CCNI: variants seen among roughly 807,000 people sequenced by gnomAD.
CCNI encodes the protein cyclin-I.
A neutral mutation model predicts 34.1 loss-of-function variants in CCNI; 14 were observed. That is an observed-to-expected ratio of 0.41 (90% CI 0.27 to 0.64). CCNI has a LOEUF of 0.64. Ranked by LOEUF, CCNI falls within the 30% of genes least tolerant of loss-of-function variation. The pLI is 0.31. For synonymous variants in CCNI, 154 were observed against 158.4 expected, an observed-to-expected ratio of 0.97 and a Z score of 0.21; for missense variants, 385 against 440.5, an observed-to-expected ratio of 0.87 and a Z score of 1.13.
intron 1 of CCNI, among the ~76,000 whole-genome samples, chr4:77,070,751 G>A (rs1342295940): frequency 6.6e-6 from 1 of 152,026 alleles, no homozygotes; most frequent in Non-Finnish European, 1.5e-5. Context: ...AACACTTTGG[G>A]AGGCCAAGGC....
At chr4:77,049,581 G>C (rs1455664104) in intron 6 of CCNI, among the ~76,000 whole-genome samples, 2 of 151,946 alleles carry the variant, frequency 1.3e-5, no homozygotes, top group Non-Finnish European at 2.9e-5. Flanking sequence ...AGGAGGCTGA[G>C]GCATGAGAAT....
intron 2 of CCNI, among the ~76,000 whole-genome samples, chr4:77,060,146 A>C (rs1267739539): frequency 6.6e-6 from 1 of 152,178 alleles, no homozygotes; most frequent in Non-Finnish European, 1.5e-5. Context: ...TAATGTCACT[A>C]TTTGGTGTTT....
intron 6 of CCNI, among the ~76,000 whole-genome samples, chr4:77,050,883 T>C (rs1034548258): frequency 2.7e-5 from 4 of 150,602 alleles, no homozygotes; most frequent in African/African-American, 9.8e-5. Flanking sequence ...AAAGGGGCTA[T>C]AGTGTAGAAA....
At chr4:77,071,790 G>A (rs1324294804) in intron 1 of CCNI, among the ~76,000 whole-genome samples, 1 of 151,758 alleles carries the variant, frequency 6.6e-6, no homozygotes, top group Non-Finnish European at 1.5e-5. Context: ...CAAAACTTAG[G>A]AAGTAAAAAG....
intron 2 of CCNI, among the ~76,000 whole-genome samples, chr4:77,059,721 A>C (rs898847362): frequency 6.6e-6 from 1 of 152,108 alleles, no homozygotes; most frequent in African/African-American, 2.4e-5. Context: ...GTTATTCCTC[A>C]TATCTAGCTG....
intron 1 of CCNI, among the ~76,000 whole-genome samples, chr4:77,068,697 ATTTT>A (rs1045285421): frequency 1.3e-5 from 2 of 152,182 alleles, no homozygotes; most frequent in Non-Finnish European, 2.9e-5. Context: ...GGCTCTAAGA[ATTTT>A]TTTAAATATC....
intron 6 of CCNI, among the ~76,000 whole-genome samples, chr4:77,051,895 C>G (rs1459183717): frequency 2.0e-5 from 3 of 151,534 alleles, no homozygotes; most frequent in Non-Finnish European, 4.4e-5. Context: ...CTGGAATAGT[C>G]TGACCACAGC....
chr4:77,048,455 C>T lies in CCNI; in HGVS notation c.898G>A (p.Val300Ile). The T allele has an allele frequency of 1.2e-6, 2 of 1,614,186 alleles. No individual in the cohort carries two copies. The highest frequency in any genetic ancestry group is 1.7e-6 in the Non-Finnish European group (2 of 1,180,038). The change falls in exon 7 of 7, where the codon GTC becomes ATC. Residue 300 changes from valine to isoleucine, a missense_variant. Around this residue, in one of 2 missense-constraint regions of CCNI, gnomAD observed 250 missense variants for 248.7 expected, o/e 1.01. Coordinates refer to ENST00000237654, the MANE Select transcript of CCNI (RefSeq NM_006835.3). ...SKDNSKPEVP[V>I]RGTAAFYHHL... ...TGGTAAAAGGCTGCTGTACCTCTGA[C>T]TGGCACTTCTGGCTTGCTGTTGTCC...
intron 6 of CCNI, 122 bp downstream of exon 6, chr4:77,055,026 CTT>C (rs757496643): frequency 3.8e-5 from 24 of 628,314 alleles, no homozygotes; most frequent in African/African-American, 1.1e-4. Flanking sequence ...ATACTTTACT[CTT>C]GTCTACTCTT....
At chr4:77,051,437 T>TG (rs1424337710) in intron 6 of CCNI, among the ~76,000 whole-genome samples, 1 of 152,160 alleles carries the variant, frequency 6.6e-6, no homozygotes, top group Non-Finnish European at 1.5e-5. Context: ...TCTTTCTGTG[T>TG]GAAAAAACGA....
In CCNI at chr4:77,048,480, C is replaced by G; in HGVS notation, c.873G>C (p.Lys291Asn). Residue 291 changes from lysine (K) to asparagine (N), a missense_variant, in exon 7 of 7, where the codon AAG becomes AAC. Around this residue, in one of 2 missense-constraint regions of CCNI, gnomAD observed 250 missense variants for 248.7 expected, o/e 1.01. Coordinates refer to ENST00000237654, the MANE Select transcript of CCNI (RefSeq NM_006835.3). ...CTGGCACTTCTGGCTTGCTGTTGTC[C>G]TTGGAGAAGTCTGGGCCTGGGACAG... Reference protein sequence around the residue: ...PSSVPGPDFSKDNSKPEVPVR... With the variant: ...PSSVPGPDFSNDNSKPEVPVR... The G allele has an allele frequency of 6.2e-7, 1 of 1,614,058 alleles. No homozygotes were observed. The highest frequency in any genetic ancestry group is 1.3e-5 in the African/African-American group (1 of 75,000).
At chr4:77,057,370 G>A (rs1728316751) in intron 3 of CCNI, among the ~76,000 whole-genome samples, 1 of 152,112 alleles carries the variant, frequency 6.6e-6, no homozygotes, top group South Asian at 2.1e-4. Context: ...AGAGAATTTT[G>A]CCAAATATCT....
Position 77,055,998 on chromosome 4 carries a change from A to T in CCNI, c.423T>A (p.Asp141Glu). ...ERIILDKLNW[D>E]LHTATPLDFL... Reference sequence around the variant, plus strand: ...AATCCAATGGTGTGGCTGTGTGAAGATCCCAATTCAACTTATCCAGAATAA... The same window carrying T: ...AATCCAATGGTGTGGCTGTGTGAAGTTCCCAATTCAACTTATCCAGAATAA... The change falls in exon 5 of 7, where the codon GAT (aspartate) becomes GAA (glutamate). Residue 141 changes from aspartate to glutamate, a missense_variant. Around this residue, in one of 2 missense-constraint regions of CCNI, gnomAD observed 135 missense variants for 191.8 expected, o/e 0.70. Coordinates refer to ENST00000237654, the MANE Select transcript of CCNI (RefSeq NM_006835.3). 1 of 1,613,466 alleles carries T rather than the reference A, an allele frequency of 6.2e-7. No individual in the cohort carries two copies. The highest frequency in any genetic ancestry group is 8.5e-7 in the Non-Finnish European group (1 of 1,179,542).
At chr4:77,068,697 A>G (rs1407412961) in intron 1 of CCNI, among the ~76,000 whole-genome samples, 2 of 152,182 alleles carry the variant, frequency 1.3e-5, no homozygotes, top group African/African-American at 4.8e-5. Flanking sequence ...GGCTCTAAGA[A>G]TTTTTTTAAA....
At chr4:77,067,600 C>T (rs1210976337) in intron 1 of CCNI, among the ~76,000 whole-genome samples, 1 of 151,714 alleles carries the variant, frequency 6.6e-6, no homozygotes, top group African/African-American at 2.4e-5. Flanking sequence ...AGGTGATCCT[C>T]CTGCCTCAGC....
In CCNI at chr4:77,048,604, A is replaced by G. The variant is rs930961539; in HGVS notation, c.749T>C (p.Leu250Pro). ...RELVAHHLSTLQSSLPLNSVY... is the reference protein window; with the variant it reads ...RELVAHHLSTPQSSLPLNSVY... ...GGAATTCAGAGGCAGGGAAGACTGC[A>G]GAGTAGAAAGGTGATGTGCCACAAG... The change falls in exon 7 of 7, where the codon CTG becomes CCG. Residue 250 changes from leucine (L) to proline (P), a missense_variant. Coordinates refer to ENST00000237654, the MANE Select transcript of CCNI (RefSeq NM_006835.3). The G allele has an allele frequency of 2.5e-6, 4 of 1,598,664 alleles. No homozygotes were observed. The Admixed American group carries it at 6.8e-5, about 27-fold the overall frequency.
chr4:77,059,679 T>C (rs1299542548), intron 2 of CCNI, among the ~76,000 whole-genome samples: 2 of 152,054 alleles, frequency 1.3e-5, no homozygotes, highest in African/African-American at 2.4e-5. Context: ...AAGTTAACCA[T>C]AGTAAGCCTA....
intron 3 of CCNI, 59 bp downstream of exon 3, chr4:77,058,448 T>C: frequency 7.3e-7 from 1 of 1,360,978 alleles, no homozygotes; most frequent in Non-Finnish European, 1.0e-6. Context: ...TAATAGCCTC[T>C]AGTTTAGCAT....
In CCNI at chr4:77,048,386, G is replaced by C. The variant is rs771191755; in HGVS notation, c.967C>G (p.Arg323Gly). 6.2e-7 allele frequency: 1 copy of C among 1,613,982 alleles called. No individual in the cohort carries two copies. The change falls in exon 7 of 7, where the codon CGC (arginine) becomes GGC (glycine). Residue 323 changes from arginine (R) to glycine (G), a missense_variant. Around this residue, in one of 2 missense-constraint regions of CCNI, gnomAD observed 250 missense variants for 248.7 expected, o/e 1.01. Coordinates refer to ENST00000237654, the MANE Select transcript of CCNI (RefSeq NM_006835.3). Reference sequence around the variant, plus strand: ...TCCACTTCCATTTCCTCTACTTTGCGTTTAGTAGAGGTCTGCTTGCACCCA... The same window carrying C: ...TCCACTTCCATTTCCTCTACTTTGCCTTTAGTAGAGGTCTGCTTGCACCCA... The part of the protein sequence containing the change: ...ASGCKQTSTK[R>G]KVEEMEVDDF...
Sources: gnomAD v4.1 joint callset for allele counts (sites outside exome capture counted in the v4.1 genomes callset) on GRCh38, gnomAD v4.1.1 for gene constraint, gnomAD v4.1.1 regional missense constraint, MANE v1.5 for transcripts, NCBI Gene and HGNC (gene_info 2026-07-23, HGNC 2026-07-21) for gene names.